KLHL29: variants seen among roughly 807,000 people sequenced by gnomAD.
KLHL29 encodes the protein kelch like family member 29, also known as kelch-like protein 29.
A neutral mutation model predicts 80.4 loss-of-function variants in KLHL29; 21 were observed. The ratio of observed to expected loss-of-function variants is 0.26; its 90% CI spans 0.19 to 0.38. The LOEUF (loss-of-function observed/expected upper bound fraction) is 0.38, where lower values mean the gene tolerates loss of function less well. Among genes scored for constraint, KLHL29 ranks in the 10% least tolerant of loss-of-function variants. The pLI is 1.00. For synonymous variants in KLHL29, 511 were observed against 526.8 expected (o/e 0.97, Z 0.41); for missense variants, 867 against 1,223.9 (o/e 0.71, Z 4.35).
At chr2:23,569,542 C>T (rs1386105448) in intron 3 of KLHL29, among the ~76,000 whole-genome samples, 1 of 152,116 alleles carries the variant, frequency 6.6e-6, no homozygotes, top group Non-Finnish European at 1.5e-5. Flanking sequence ...TGAGAAAGGA[C>T]AGTATTTTAG....
In KLHL29 at chr2:23,648,968, C is replaced by T. The variant is rs149402996; in HGVS notation, c.940+6118C>T. On this transcript the variant is annotated intron_variant, in intron 5 of 13. Transcript: ENST00000486442. The stretch of plus-strand genomic sequence containing the variant: ...TAATAGTGCCATCCTCACAGACATG[C>T]TTTGAGGATTAAATAATGTATGTAA... Among the ~76,000 whole-genome samples, 239 of 152,352 alleles carry T rather than the reference C, an allele frequency of 1.6e-3. 1 individual carries two copies. Among genetic ancestry groups the T allele is most frequent in the Middle Eastern group, 3.4e-3 (1 of 294 alleles).
chr2:23,704,916 ATAGC>A (rs772928457), intron 13 of KLHL29, among the ~76,000 whole-genome samples: 6 of 152,252 alleles, frequency 3.9e-5, no homozygotes, highest in Admixed American at 3.3e-4. Flanking sequence ...TTTGTGTAGC[ATAGC>A]TAGAAAAGAT....
At chr2:23,605,985 G>A (rs1029984731) in intron 3 of KLHL29, among the ~76,000 whole-genome samples, 5 of 151,980 alleles carry the variant, frequency 3.3e-5, no homozygotes, top group African/African-American at 1.2e-4. Flanking sequence ...GGCCAGGCTG[G>A]TCTCGAATTC....
intron 2 of KLHL29, among the ~76,000 whole-genome samples, chr2:23,551,640 T>C (rs545946960): frequency 2.6e-5 from 4 of 152,256 alleles, no homozygotes; most frequent in Non-Finnish European, 4.4e-5. Context: ...TCCAAATATA[T>C]ATCTGTCCCC....
At chr2:23,600,919 C>G (rs1472831883) in intron 3 of KLHL29, among the ~76,000 whole-genome samples, 2 of 152,212 alleles carry the variant, frequency 1.3e-5, no homozygotes, top group Admixed American at 1.3e-4. Context: ...TGATAACCAT[C>G]ACTTGCTGAG....
intron 1 of KLHL29, among the ~76,000 whole-genome samples, chr2:23,453,108 TAA>T (rs11450727): frequency 4.9e-5 from 7 of 144,206 alleles, no homozygotes; most frequent in Non-Finnish European, 7.6e-5. Context: ...TATGTTTCAT[TAA>T]AAAAAAAAAA....
intron 3 of KLHL29, among the ~76,000 whole-genome samples, chr2:23,610,429 A>G (rs2103529563): frequency 6.6e-6 from 1 of 152,306 alleles, no homozygotes. Context: ...CCTGGAATGA[A>G]GTTCATAAAT....
intron 2 of KLHL29, among the ~76,000 whole-genome samples, chr2:23,531,950 C>T (rs1204340881): frequency 6.6e-5 from 10 of 152,162 alleles, no homozygotes; most frequent in Admixed American, 6.5e-4. Flanking sequence ...AGAACCAAGT[C>T]GCCACGACTC....
intron 1 of KLHL29, among the ~76,000 whole-genome samples, chr2:23,386,709 C>G (rs1558319262): frequency 6.6e-6 from 1 of 152,052 alleles, no homozygotes; most frequent in African/African-American, 2.4e-5. Flanking sequence ...GGTCGCCGCG[C>G]GGGTGCCCGC....
chr2:23,561,170 C>A (rs1558388739), intron 2 of KLHL29, among the ~76,000 whole-genome samples: 1 of 152,246 alleles, frequency 6.6e-6, no homozygotes, highest in Non-Finnish European at 1.5e-5. Context: ...GCCCTCTCCC[C>A]TCTGTCTCTG....
intron 5 of KLHL29, among the ~76,000 whole-genome samples, chr2:23,644,684 T>C (rs540452219): frequency 5.9e-5 from 9 of 152,334 alleles, no homozygotes; most frequent in African/African-American, 2.2e-4. Context: ...CAATGACCAT[T>C]GCAGAGCTGT....
chr2:23,551,877 A>G (rs1300827572), intron 2 of KLHL29, among the ~76,000 whole-genome samples: 1 of 152,242 alleles, frequency 6.6e-6, no homozygotes, highest in African/African-American at 2.4e-5. Context: ...TGCTGTGGCT[A>G]CTGGACTATG....
chr2:23,633,092 C>G (rs1669512057), intron 3 of KLHL29, among the ~76,000 whole-genome samples: 1 of 152,198 alleles, frequency 6.6e-6, no homozygotes, highest in Non-Finnish European at 1.5e-5. Flanking sequence ...GATGGGCACA[C>G]CAAAGCTTGT....
chr2:23,622,033 T>C (rs1669195976), intron 3 of KLHL29, among the ~76,000 whole-genome samples: 1 of 152,210 alleles, frequency 6.6e-6, no homozygotes, highest in Non-Finnish European at 1.5e-5. Context: ...CCTTGGGATG[T>C]GCTGGAAGCC....
At chr2:23,542,042 G>A (rs755747886) in intron 2 of KLHL29, among the ~76,000 whole-genome samples, 5 of 152,176 alleles carry the variant, frequency 3.3e-5, no homozygotes, top group Non-Finnish European at 7.3e-5. Flanking sequence ...AGTCATTGTC[G>A]TCATACTGAT....
At chr2:23,410,806 A>G (rs1369939115) in intron 1 of KLHL29, among the ~76,000 whole-genome samples, 1 of 152,060 alleles carries the variant, frequency 6.6e-6, no homozygotes, top group African/African-American at 2.4e-5. Context: ...AGAGACGTAA[A>G]CACGGGAAAC....
intron 1 of KLHL29, among the ~76,000 whole-genome samples, chr2:23,413,002 A>G (rs770418598): frequency 6.6e-6 from 1 of 152,128 alleles, no homozygotes; most frequent in Non-Finnish European, 1.5e-5. Flanking sequence ...TGTTTTTGAC[A>G]TTTGAAGATT....
At chr2:23,613,623 G>T (rs1468486635) in intron 3 of KLHL29, among the ~76,000 whole-genome samples, 1 of 151,918 alleles carries the variant, frequency 6.6e-6, no homozygotes, top group Non-Finnish European at 1.5e-5. Flanking sequence ...CATTAGCCGG[G>T]GGTGGTGGCA....
chr2:23,653,813 G>A lies in KLHL29; in HGVS notation c.940+10963G>A, dbSNP rs906282515. 3.3e-5 allele frequency among the ~76,000 whole-genome samples: 5 copies of A among 151,720 alleles called. No homozygotes were observed. The South Asian group carries it at 8.5e-4, about 26-fold the overall frequency. On this transcript the variant is annotated intron_variant, in intron 5 of 13. Coordinates refer to ENST00000486442, the MANE Select transcript of KLHL29 (RefSeq NM_052920.2). ...ACCCTCCAGGTCTCTACAAATATCA[G>A]ATGAGTGTTTTTTGTGGTGACAGTG...
Sources: gnomAD v4.1 joint callset for allele counts (sites outside exome capture counted in the v4.1 genomes callset) on GRCh38, gnomAD v4.1.1 for gene constraint, MANE v1.5 for transcripts, NCBI Gene and HGNC (gene_info 2026-07-23, HGNC 2026-07-21) for gene names.